Variants in SNAP25 observed in about 807,000 individuals in gnomAD.
SNAP25 encodes synaptosomal-associated protein 25.
Under a neutral mutation model 28.7 loss-of-function variants are expected in SNAP25, and 3 were observed. That is an observed-to-expected ratio of 0.10 (90% CI 0.05 to 0.27). The LOEUF (loss-of-function observed/expected upper bound fraction) is 0.27, where lower values mean the gene tolerates loss of function less well. Among genes scored for constraint, SNAP25 ranks in the 10% least tolerant of loss-of-function variants. The pLI, the probability that SNAP25 is intolerant of heterozygous loss-of-function variation, is 1.00. For missense variants in SNAP25, 117 were observed against 278.7 expected (o/e 0.42, Z 4.13); for synonymous variants, 61 against 88.1 (o/e 0.69, Z 1.72).
intron 1 of SNAP25, among the ~76,000 whole-genome samples, chr20:10,241,029 G>A (rs1489252549): frequency 6.6e-6 from 1 of 152,198 alleles, no homozygotes; most frequent in African/African-American, 2.4e-5. Context: ...CTGCCTTGCT[G>A]CGCTTCCATG....
chr20:10,305,919 T>TA (rs200292641), intron 7 of SNAP25, among the ~76,000 whole-genome samples: 472 of 143,886 alleles, frequency 3.3e-3, no homozygotes, highest in Non-Finnish European at 4.8e-3. Flanking sequence ...ATTCGTTCAT[T>TA]AAAAAAAAAA....
intron 1 of SNAP25, among the ~76,000 whole-genome samples, chr20:10,255,054 G>A (rs1487896054): frequency 6.6e-6 from 1 of 152,134 alleles, no homozygotes; most frequent in East Asian, 1.9e-4. Flanking sequence ...TGATATAGAG[G>A]GATCCCTTCT....
At chr20:10,266,198 C>T (rs1452212487) in intron 1 of SNAP25, among the ~76,000 whole-genome samples, 1 of 152,188 alleles carries the variant, frequency 6.6e-6, no homozygotes, top group Non-Finnish European at 1.5e-5. Flanking sequence ...ATCACCTCTT[C>T]ACCAGTTTCA....
intron 1 of SNAP25, chr20:10,219,345 A>T (rs965241608): frequency 1.3e-5 from 2 of 152,172 alleles, no homozygotes; most frequent in African/African-American, 4.8e-5. Flanking sequence ...CCCTATTATT[A>T]TGACTGTTGT....
chr20:10,299,187 G>T (rs1466804423), intron 6 of SNAP25, 81 bp from the exon 7 acceptor site: 1 of 1,504,738 alleles, frequency 6.6e-7, no homozygotes, highest in Admixed American at 1.9e-5. Flanking sequence ...GAGGACGACA[G>T]ATTTCCACTA....
intron 1 of SNAP25, among the ~76,000 whole-genome samples, chr20:10,221,954 C>T (rs142157004): frequency 6.9e-4 from 105 of 152,334 alleles, no homozygotes; most frequent in African/African-American, 2.3e-3. Context: ...AGATAATTCA[C>T]TATGAATAAA....
At chr20:10,219,706 C>G (rs935025543) in intron 1 of SNAP25, 2 of 152,288 alleles carry the variant, frequency 1.3e-5, no homozygotes, top group African/African-American at 4.8e-5. Flanking sequence ...GCCGCAGCGC[C>G]TCATCTGCCT....
intron 4 of SNAP25, among the ~76,000 whole-genome samples, chr20:10,286,774 C>T (rs2123078324): frequency 6.6e-6 from 1 of 152,250 alleles, no homozygotes; most frequent in South Asian, 2.1e-4. Context: ...TAAACCCCAA[C>T]ATTTTTCCTT....
intron 7 of SNAP25, among the ~76,000 whole-genome samples, chr20:10,303,504 C>A (rs953485999): frequency 5.3e-5 from 8 of 152,128 alleles, no homozygotes; most frequent in Non-Finnish European, 1.2e-4. Context: ...ACGATATGAA[C>A]TGAATACAGA....
intron 7 of SNAP25, among the ~76,000 whole-genome samples, chr20:10,301,183 T>G (rs75091525): frequency 3.9e-5 from 6 of 152,314 alleles, no homozygotes; most frequent in Non-Finnish European, 5.9e-5. Context: ...ATTCTGCCAC[T>G]TTGAATTTCT....
chr20:10,266,326 T>A (rs1290053124), intron 1 of SNAP25, among the ~76,000 whole-genome samples: 1 of 152,212 alleles, frequency 6.6e-6, no homozygotes, highest in African/African-American at 2.4e-5. Context: ...TTCAAGAAAT[T>A]TCATCCAGTG....
At chr20:10,258,155 C>A (rs997864967) in intron 1 of SNAP25, among the ~76,000 whole-genome samples, 1 of 152,082 alleles carries the variant, frequency 6.6e-6, no homozygotes, top group Admixed American at 6.6e-5. Context: ...TTAGAGATCT[C>A]GTGTCATGGA....
At chr20:10,235,065 T>A (rs1326632958) in intron 1 of SNAP25, among the ~76,000 whole-genome samples, 1 of 151,946 alleles carries the variant, frequency 6.6e-6, no homozygotes, top group Non-Finnish European at 1.5e-5. Context: ...AGACCCTGTC[T>A]CTGCAGAAAT....
chr20:10,295,126 A>G (rs1368329574), intron 5 of SNAP25, among the ~76,000 whole-genome samples: 3 of 152,232 alleles, frequency 2.0e-5, no homozygotes, highest in Non-Finnish European at 4.4e-5. Flanking sequence ...TTTAAAAACC[A>G]TGTGTCACAA....
intron 1 of SNAP25, among the ~76,000 whole-genome samples, chr20:10,251,214 C>T (rs867125621): frequency 6.6e-6 from 1 of 152,128 alleles, no homozygotes; most frequent in Non-Finnish European, 1.5e-5. Flanking sequence ...CTGTCAAACA[C>T]GAATGTACAC....
At chr20:10,240,419 T>C (rs1227013457) in intron 1 of SNAP25, among the ~76,000 whole-genome samples, 3 of 152,222 alleles carry the variant, frequency 2.0e-5, no homozygotes, top group African/African-American at 4.8e-5. Context: ...TACGTTTCCC[T>C]AATATCATAG....
chr20:10,279,066 TTCTG>T (rs1210582807), intron 3 of SNAP25, among the ~76,000 whole-genome samples: 1 of 152,196 alleles, frequency 6.6e-6, no homozygotes, highest in East Asian at 1.9e-4. Context: ...GGAAGCAGCG[TTCTG>T]TCTAAGTGAA....
In SNAP25 at chr20:10,245,539, TG is replaced by T. The variant is rs1047738729; in HGVS notation, c.-64+26568del. On this transcript the variant is annotated intron_variant, in intron 1 of 7. Transcript: ENST00000254976. ...GGGTAAGTGAATGTTCATTTCAAAC[TG>T]GGGGGTCTAAAAAAAGTTTTGTTTC... 3.3e-5 allele frequency among the ~76,000 whole-genome samples: 5 copies of T among 152,298 alleles called. No homozygotes were observed. The South Asian group carries it at 6.2e-4, about 19-fold the overall frequency.
At chr20:10,300,786 A>G (rs763020690) in intron 7 of SNAP25, among the ~76,000 whole-genome samples, 14 of 152,198 alleles carry the variant, frequency 9.2e-5, no homozygotes, top group Non-Finnish European at 1.8e-4. Context: ...TACTTTTGCA[A>G]GTAATGGCAT....
Sources: allele counts gnomAD v4.1 joint callset (sites outside exome capture counted in the v4.1 genomes callset), GRCh38; gene constraint gnomAD v4.1.1; transcripts MANE v1.5; gene names NCBI Gene and HGNC (gene_info 2026-07-23, HGNC 2026-07-21).